The following TNRC6B variants were observed in gnomAD, a reference collection of about 807,000 sequenced individuals.
The protein encoded by TNRC6B is trinucleotide repeat-containing gene 6B protein.
Under a neutral mutation model 203.6 loss-of-function variants are expected in TNRC6B, and 52 were observed. The ratio of observed to expected loss-of-function variants is 0.26; its 90% CI spans 0.20 to 0.32. The LOEUF (loss-of-function observed/expected upper bound fraction) is 0.32, where lower values mean the gene tolerates loss of function less well. Among genes scored for constraint, TNRC6B ranks in the 10% least tolerant of loss-of-function variants. The probability of loss-of-function intolerance (pLI) is 1.00; values close to 1 mark genes in which losing one functional copy is unlikely to be tolerated. For missense variants in TNRC6B, 1,923 were observed against 2,286.2 expected (o/e 0.84, Z 3.24); for synonymous variants, 838 against 845.7 (o/e 0.99, Z 0.16).
chr22:40,160,825 C>T (rs2068865698), intron 4 of TNRC6B, among the ~76,000 whole-genome samples: 1 of 152,168 alleles, frequency 6.6e-6, no homozygotes, highest in Non-Finnish European at 1.5e-5. Flanking sequence ...CCACCTCAGC[C>T]TCCCAAAGTC....
intron 12 of TNRC6B, among the ~76,000 whole-genome samples, chr22:40,288,134 C>G (rs899206416): frequency 1.3e-5 from 2 of 152,234 alleles, no homozygotes; most frequent in African/African-American, 4.8e-5. Context: ...AAGAAAGGAA[C>G]TAGACAAGAA....
chr22:40,270,614 G>A (rs1249274892), intron 6 of TNRC6B, among the ~76,000 whole-genome samples: 2 of 152,000 alleles, frequency 1.3e-5, no homozygotes, highest in Admixed American at 6.6e-5. Context: ...CACCGTGCCC[G>A]GCCGGGATTC....
At chr22:40,133,944 TG>T (rs1310507335) in intron 3 of TNRC6B, among the ~76,000 whole-genome samples, 1 of 111,924 alleles carries the variant, frequency 8.9e-6, no homozygotes, top group Non-Finnish European at 1.7e-5. Context: ...TACTCCAGCC[TG>T]GGCAACAAGA....
chr22:40,058,913 T>C (rs1344348311), intron 1 of TNRC6B, among the ~76,000 whole-genome samples: 2 of 152,244 alleles, frequency 1.3e-5, no homozygotes, highest in African/African-American at 2.4e-5. Context: ...AATAGCTCTC[T>C]AGTCAGTTGT....
chr22:40,318,846 G>A (rs1317890458), intron 21 of TNRC6B, among the ~76,000 whole-genome samples: 1 of 152,072 alleles, frequency 6.6e-6, no homozygotes, highest in Non-Finnish European at 1.5e-5. Flanking sequence ...TGAGGCAGGT[G>A]GATCACCTGA....
chr22:40,143,783 ACT>A (rs2068667152), intron 3 of TNRC6B, among the ~76,000 whole-genome samples: 1 of 152,226 alleles, frequency 6.6e-6, no homozygotes, highest in Admixed American at 6.5e-5. Context: ...GGCGTGAGCC[ACT>A]GTGCCCGGCC....
Position 40,310,765 on chromosome 22 carries a change from G to A in TNRC6B, c.4259-52G>A, listed in dbSNP as rs1473367061. The stretch of plus-strand genomic sequence containing the variant: ...ATTCCAGCGAATAAAAAATAGACAA[G>A]TTCTATTCATAGGAGTTATTCTGGA... On this transcript the variant is annotated intron_variant, in intron 16 of 22. Transcript: ENST00000454349. 3 of 1,524,274 alleles carry A rather than the reference G, an allele frequency of 2.0e-6. No homozygotes were observed. The Admixed American group carries it at 6.1e-5, about 31-fold the overall frequency. 94.4% of individuals were successfully genotyped at this position (1,524,274 alleles called of 1,614,324 possible).
intron 4 of TNRC6B, among the ~76,000 whole-genome samples, chr22:40,162,695 A>C (rs192343493): frequency 6.6e-6 from 1 of 152,320 alleles, no homozygotes; most frequent in African/African-American, 2.4e-5. Flanking sequence ...ATGTTGAAAT[A>C]AATTTATTAA....
intron 4 of TNRC6B, among the ~76,000 whole-genome samples, chr22:40,170,330 A>AG (rs1463626957): frequency 1.8e-5 from 2 of 112,200 alleles, no homozygotes; most frequent in Non-Finnish European, 3.3e-5. Context: ...TATTATATAT[A>AG]TTATATATAG....
intron 1 of TNRC6B, among the ~76,000 whole-genome samples, chr22:40,113,723 C>T (rs534104036): frequency 5.3e-5 from 8 of 152,212 alleles, no homozygotes; most frequent in African/African-American, 1.9e-4. Flanking sequence ...TCCGCTTGGG[C>T]TGGGTGCCCT....
intron 15 of TNRC6B, 73 bp from the exon 16 acceptor site, chr22:40,308,439 A>T (rs2071123209): frequency 1.3e-6 from 2 of 1,562,216 alleles, no homozygotes; most frequent in Non-Finnish European, 1.8e-6. Context: ...ACTTGAAGGC[A>T]TTCCTGGACT....
chr22:40,276,892 A>G (rs559873845), intron 7 of TNRC6B, 185 bp from the exon 8 acceptor site: 2 of 401,858 alleles, frequency 5.0e-6, no homozygotes, highest in African/African-American at 4.1e-5. Flanking sequence ...ATAAAAATGA[A>G]AACATAGATA....
chr22:40,124,373 A>T (rs2068470255), intron 2 of TNRC6B, among the ~76,000 whole-genome samples: 1 of 136,558 alleles, frequency 7.3e-6, no homozygotes, highest in South Asian at 2.3e-4. Flanking sequence ...CCAAGGCTGG[A>T]GTGCAGTGGT....
rs1319362027 is a variant in TNRC6B, at chr22:40,278,930, G to A, written c.3262+886G>A. Among the ~76,000 whole-genome samples the A allele has an allele frequency of 6.6e-5, 10 of 152,282 alleles. No individual in the cohort carries two copies. In the East Asian group the frequency reaches 1.2e-3, roughly 18 times the overall value. On this transcript the variant is annotated intron_variant, in intron 9 of 22. Coordinates refer to ENST00000454349, the MANE Select transcript of TNRC6B (RefSeq NM_001162501.2). ...TAATTTTTGTATTTTTAGTAGGGAC[G>A]GGATTTCGCCATTTTGGCCAGGCTG...
chr22:40,294,679 A>T (rs1273460232), intron 12 of TNRC6B, among the ~76,000 whole-genome samples: 1 of 152,200 alleles, frequency 6.6e-6, no homozygotes, highest in African/African-American at 2.4e-5. Context: ...TCCGGTTTGG[A>T]ACATGGTTTC....
At chr22:40,288,941 G>A (rs2070830367) in intron 12 of TNRC6B, among the ~76,000 whole-genome samples, 1 of 150,016 alleles carries the variant, frequency 6.7e-6, no homozygotes, top group African/African-American at 2.5e-5. Flanking sequence ...AGCCTCCTGA[G>A]TAGCTAGGAT....
intron 1 of TNRC6B, among the ~76,000 whole-genome samples, chr22:40,210,946 T>G (rs1397620924): frequency 6.6e-6 from 1 of 152,180 alleles, no homozygotes; most frequent in Non-Finnish European, 1.5e-5. Flanking sequence ...ACCTCAGTCA[T>G]GACAAACAAA....
At chr22:40,247,075 C>T (rs1451186480) in intron 2 of TNRC6B, among the ~76,000 whole-genome samples, 1 of 152,140 alleles carries the variant, frequency 6.6e-6, no homozygotes, top group African/African-American at 2.4e-5. Context: ...TGCCCCTCTG[C>T]CCTGTCTGTT....
chr22:40,205,129 A>G (rs1782120587), intron 1 of TNRC6B, among the ~76,000 whole-genome samples: 1 of 152,224 alleles, frequency 6.6e-6, no homozygotes, highest in Non-Finnish European at 1.5e-5. Flanking sequence ...CCTGACCACT[A>G]CTGGGCCACA....
Sources: gnomAD v4.1 joint callset for allele counts (sites outside exome capture counted in the v4.1 genomes callset) on GRCh38, gnomAD v4.1.1 for gene constraint, MANE v1.5 for transcripts, NCBI Gene and HGNC (gene_info 2026-07-23, HGNC 2026-07-21) for gene names.